Variants in CASD1 observed in about 807,000 individuals in gnomAD.
CASD1 encodes CAS1 domain sialic acid O acetyltransferase 1.
A neutral mutation model predicts 100.0 loss-of-function variants in CASD1; 41 were observed. The observed-to-expected ratio is 0.41, with a 90% confidence interval of 0.32 to 0.53. CASD1 has a LOEUF of 0.53. Ranked by LOEUF, CASD1 falls within the 20% of genes least tolerant of loss-of-function variation. The pLI, the probability that CASD1 is intolerant of heterozygous loss-of-function variation, is 0.25. For synonymous variants in CASD1, 321 were observed against 315.6 expected, an observed-to-expected ratio of 1.02 and a Z score of -0.18; for missense variants, 774 against 948.7, an observed-to-expected ratio of 0.82 and a Z score of 2.42.
At chr7:94,546,340 T>G (rs1227759302) in intron 12 of CASD1, among the ~76,000 whole-genome samples, 1 of 151,974 alleles carries the variant, frequency 6.6e-6, no homozygotes, top group African/African-American at 2.4e-5. Flanking sequence ...TAATGCTTTC[T>G]TCACCCTCAA....
At chr7:94,634,068 A>G in the CASD1 span, among the ~76,000 whole-genome samples, 2 of 152,180 alleles carry the variant, frequency 1.3e-5, no homozygotes, top group Non-Finnish European at 2.9e-5. Flanking sequence ...AGAAAGTCAT[A>G]AAGTATTGTC....
chr7:94,603,396 T>C, the CASD1 span: 1 of 1,613,316 alleles, frequency 6.2e-7, no homozygotes, highest in Non-Finnish European at 8.5e-7. Context: ...CTGTGGATTT[T>C]CAACTTCTCG....
At chr7:94,625,016 A>G in the CASD1 span, 1 of 152,068 alleles carries the variant, frequency 6.6e-6, no homozygotes, top group Non-Finnish European at 1.5e-5. Flanking sequence ...TTCCAATGAG[A>G]CATTTAACTG....
intron 3 of CASD1, among the ~76,000 whole-genome samples, chr7:94,522,479 T>G (rs954795788): frequency 2.0e-4 from 30 of 152,268 alleles, no homozygotes; most frequent in African/African-American, 7.2e-4. Context: ...TCACTTACAG[T>G]GGGAGAATTG....
At chr7:94,632,053 C>T in the CASD1 span, among the ~76,000 whole-genome samples, 2 of 151,934 alleles carry the variant, frequency 1.3e-5, no homozygotes, top group Non-Finnish European at 2.9e-5. Context: ...CAGAGGTAAA[C>T]ACAAGTTTCC....
chr7:94,614,827 A>G, the CASD1 span, among the ~76,000 whole-genome samples: 1 of 152,158 alleles, frequency 6.6e-6, no homozygotes, highest in Admixed American at 6.5e-5. Flanking sequence ...AGACTAATAA[A>G]ATATTCTCCC....
At chr7:94,516,107 A>G (rs979220537) in intron 1 of CASD1, among the ~76,000 whole-genome samples, 5 of 151,820 alleles carry the variant, frequency 3.3e-5, no homozygotes, top group Admixed American at 6.6e-5. Flanking sequence ...AGAACTAATT[A>G]TTTGTAGTTT....
chr7:94,603,605 A>G, the CASD1 span, among the ~76,000 whole-genome samples: 2 of 152,144 alleles, frequency 1.3e-5, no homozygotes, highest in Non-Finnish European at 2.9e-5. Flanking sequence ...ACAATGATTC[A>G]TGTAGGGGCT....
chr7:94,563,976 A>T, the CASD1 span, among the ~76,000 whole-genome samples: 1 of 152,212 alleles, frequency 6.6e-6, no homozygotes, highest in Non-Finnish European at 1.5e-5. Context: ...CAAGACCTCC[A>T]GTGTGATAAC....
chr7:94,556,751 C>T lies in CASD1; in HGVS notation c.*993C>T, dbSNP rs1796221354. 2 of 151,794 alleles carry T rather than the reference C, an allele frequency of 1.3e-5. No homozygotes were observed. The highest frequency in any genetic ancestry group is 4.8e-5 in the African/African-American group (2 of 41,344). The allele number at this position is 151,794 out of a possible 1,614,324, so 9.4% of individuals were successfully genotyped here. A position where few individuals can be genotyped will look rare whatever the true frequency, so the allele number is the denominator to read the frequency against. On this transcript the variant is annotated 3_prime_UTR_variant, in exon 18 of 18. Coordinates refer to ENST00000297273, the MANE Select transcript of CASD1 (RefSeq NM_022900.5). ...TTTTAAGTAAACTGGTGAATTTGGG[C>T]AATAAATGTTTTTGCTTTTTGTTTG...
In CASD1 at chr7:94,537,495, G is replaced by A. The variant is rs146916140; in HGVS notation, c.867G>A (p.Val289=). The A allele has an allele frequency of 5.0e-5, 80 of 1,610,156 alleles. No homozygotes were observed. In the African/African-American group the frequency reaches 8.7e-4, roughly 18 times the overall value. ...RETTAMILMN[V]YCNKILKPVD... is the part of the protein sequence containing the mutation. Reference sequence around the variant, plus strand: ...AGACTGCAATGATTCTTATGAATGTGTATTGCAATAAGATTTTGAAGCCTG... The same window carrying A: ...AGACTGCAATGATTCTTATGAATGTATATTGCAATAAGATTTTGAAGCCTG... Residue 289 remains valine (V), a synonymous_variant, in exon 9 of 18, where the codon GTG becomes GTA. Transcript: ENST00000297273.
intron 13 of CASD1, 33 bp downstream of exon 13, chr7:94,547,208 A>G: frequency 6.9e-7 from 1 of 1,453,896 alleles, no homozygotes; most frequent in Non-Finnish European, 9.3e-7. Flanking sequence ...ATATTTTTTC[A>G]TATTTTATTT....
the CASD1 span, chr7:94,623,953 CA>C: frequency 1.1e-4 from 41 of 376,126 alleles, no homozygotes; most frequent in Non-Finnish European, 1.6e-4. Flanking sequence ...GCTTATGGAA[CA>C]TGCTCAAAAA....
At chr7:94,561,467 G>A (rs1454445337), downstream of CASD1, among the ~76,000 whole-genome samples, 1 of 152,060 alleles carries the variant, frequency 6.6e-6, no homozygotes, top group Non-Finnish European at 1.5e-5. Flanking sequence ...TGCGGGGAGG[G>A]CAAAGATTTT....
intron 3 of CASD1, among the ~76,000 whole-genome samples, chr7:94,520,164 C>T (rs2016268762): frequency 6.6e-6 from 1 of 152,174 alleles, no homozygotes; most frequent in South Asian, 2.1e-4. Flanking sequence ...ATTCAAGCTG[C>T]TAGTGGAGCA....
At position 94,538,820 on chromosome 7, in the gene CASD1, G is replaced by A. The variant is rs953744215; in HGVS notation, c.1267-147G>A. 4.8e-5 allele frequency: 21 copies of A among 438,586 alleles called. No individual in the cohort carries two copies. The East Asian group carries it at 6.9e-4, about 14-fold the overall frequency. The allele number at this position is 438,586 out of a possible 1,614,324, so 27.2% of individuals were successfully genotyped here. On this transcript the variant is annotated intron_variant, in intron 9 of 17. Transcript: ENST00000297273. ...TCTTTTAGCAAGAAATAAAATGACA[G>A]TTTTTAACTGTTTCTCACCATCAAG...
the CASD1 span, among the ~76,000 whole-genome samples, chr7:94,612,780 C>T: frequency 6.6e-6 from 1 of 152,144 alleles, no homozygotes; most frequent in Non-Finnish European, 1.5e-5. Context: ...CCCCACCCCA[C>T]CTCCACCTGT....
intron 5 of CASD1, among the ~76,000 whole-genome samples, chr7:94,530,684 G>A (rs901306050): frequency 5.9e-5 from 9 of 152,078 alleles, no homozygotes; most frequent in African/African-American, 2.2e-4. Context: ...TTAAGTCTGA[G>A]CTATTGAATG....
At chr7:94,554,318 T>A (rs555037413) in intron 16 of CASD1, 165 bp from the exon 17 acceptor site, 15 of 515,542 alleles carry the variant, frequency 2.9e-5, no homozygotes, top group African/African-American at 2.7e-4. Context: ...GGGTAGACTT[T>A]AGAACAAAAA....
Sources: allele counts gnomAD v4.1 joint callset (sites outside exome capture counted in the v4.1 genomes callset), GRCh38; gene constraint gnomAD v4.1.1; transcripts MANE v1.5; gene names NCBI Gene and HGNC (gene_info 2026-07-23, HGNC 2026-07-21).